CRY2: variants seen among roughly 807,000 people sequenced by gnomAD.
The protein encoded by CRY2 is cryptochrome circadian regulator 2, also known as cryptochrome-2.
CRY2 carries 31 observed loss-of-function variants against 69.5 expected under a neutral mutation model. That is an observed-to-expected ratio of 0.45 (90% CI 0.34 to 0.60). The LOEUF is 0.60. Ranked by LOEUF, CRY2 falls within the 20% of genes least tolerant of loss-of-function variation. The pLI is 0.02. For synonymous variants in CRY2, 303 were observed against 312.2 expected (o/e 0.97, Z 0.31); for missense variants, 606 against 797.8 (o/e 0.76, Z 2.90).
chr11:45,879,448 A>C (rs537559762), intron 11 of CRY2, among the ~76,000 whole-genome samples: 20 of 152,312 alleles, frequency 1.3e-4, no homozygotes, highest in African/African-American at 3.6e-4. Context: ...AGCTTAATTC[A>C]CATGTATGTC....
Position 45,867,647 on chromosome 11 carries a change from C to T in CRY2, c.777C>T (p.Asn259=), listed in dbSNP as rs910069702. The T allele has an allele frequency of 2.2e-5, 35 of 1,614,106 alleles. No individual in the cohort carries two copies. The Middle Eastern group carries it at 6.6e-4, about 30-fold the overall frequency. ...WVANYERPRM[N]ANSLLASPTG... ...CCAACTATGAGAGACCCCGAATGAA[C>T]GCCAACTCCCTCCTGGCCAGCCCCA... is the stretch of plus-strand genomic sequence containing the variant. The change falls in exon 6 of 12, where the codon AAC becomes AAT. Residue 259 remains asparagine (N), a synonymous_variant. Transcript: ENST00000616080.
intron 1 of CRY2, among the ~76,000 whole-genome samples, chr11:45,849,162 G>C (rs1433282938): frequency 6.6e-6 from 1 of 152,122 alleles, no homozygotes; most frequent in Admixed American, 6.6e-5. Context: ...TTTTTTGATA[G>C]GGAAGATTAA....
chr11:45,862,300 A>G, intron 5 of CRY2, 152 bp downstream of exon 5: 2 of 649,394 alleles, frequency 3.1e-6, no homozygotes, highest in Middle Eastern at 2.5e-4. Flanking sequence ...AACAACAGCA[A>G]CACTAACAGC....
chr11:45,869,250 C>T (rs941244751), intron 6 of CRY2, among the ~76,000 whole-genome samples: 2 of 152,224 alleles, frequency 1.3e-5, no homozygotes. Context: ...GTGCAGAGTC[C>T]TGTGGTGAGG....
At position 45,872,194 on chromosome 11, in the gene CRY2, A is replaced by G. The variant is rs1255037742; in HGVS notation, c.1745A>G (p.Glu582Gly). ...EELSKRARVA[E>G]LPTPELPSKD... The stretch of plus-strand genomic sequence containing the variant: ...CTCAGCAAACGGGCCCGGGTGGCAG[A>G]GTTGCCAACCCCAGAGCTGCCGAGC... The change falls in exon 11 of 12, where the codon GAG becomes GGG. Residue 582 changes from glutamate to glycine, a missense_variant. Glu to Gly is a moderately conservative substitution (Grantham distance 98). Around this residue, in one of 5 missense-constraint regions of CRY2, gnomAD observed 173 missense variants for 213.7 expected, o/e 0.81. Transcript: ENST00000616080. 1.9e-6 allele frequency: 3 copies of G among 1,614,020 alleles called. No homozygotes were observed. The highest frequency in any genetic ancestry group is 2.5e-6 in the Non-Finnish European group (3 of 1,180,026).
intron 2 of CRY2, among the ~76,000 whole-genome samples, chr11:45,857,770 G>A (rs765857154): frequency 9.2e-5 from 14 of 152,228 alleles, no homozygotes; most frequent in African/African-American, 1.7e-4. Context: ...TGAGTATTCA[G>A]TGATGTAACC....
chr11:45,851,029 CTTTTT>C (rs67641151), intron 1 of CRY2, among the ~76,000 whole-genome samples: 1 of 145,098 alleles, frequency 6.9e-6, no homozygotes, highest in African/African-American at 2.5e-5. Flanking sequence ...AGCCTCAGGA[CTTTTT>C]TTTTTTTTTT....
intron 6 of CRY2, 141 bp from the exon 7 acceptor site, chr11:45,869,365 C>A: frequency 2.3e-6 from 2 of 851,122 alleles, no homozygotes; most frequent in East Asian, 2.6e-5. Flanking sequence ...TGTGCCACTT[C>A]TAGGGGATAG....
Position 45,867,703 on chromosome 11 carries a change from G to C in CRY2, c.833G>C (p.Cys278Ser). ...CTCAGCCCCTACCTGCGCTTTGGTTGTCTCTCCTGCCGCCTCTTCTACTAC... is the reference window on the plus strand; with the variant it reads ...CTCAGCCCCTACCTGCGCTTTGGTTCTCTCTCCTGCCGCCTCTTCTACTAC... Reference protein sequence around the residue: ...TGLSPYLRFGCLSCRLFYYRL... With the variant: ...TGLSPYLRFGSLSCRLFYYRL... The change falls in exon 6 of 12, where the codon TGT becomes TCT. Residue 278 changes from cysteine to serine, a missense_variant. By Grantham distance (112) the Cys-to-Ser change is moderately radical (BLOSUM62 -1). This residue lies in a region of CRY2 where 382 missense variants were observed against 508.9 expected (regional missense o/e 0.75). Coordinates refer to ENST00000616080, the MANE Select transcript of CRY2 (RefSeq NM_021117.5). 1 of 1,614,206 alleles carries C rather than the reference G, an allele frequency of 6.2e-7. No homozygotes were observed. Among genetic ancestry groups the C allele is most frequent in the Non-Finnish European group, 8.5e-7 (1 of 1,180,044 alleles).
intron 11 of CRY2, among the ~76,000 whole-genome samples, 184 bp downstream of exon 11, chr11:45,872,417 A>G (rs1043015795): frequency 3.3e-5 from 5 of 151,898 alleles, no homozygotes; most frequent in Non-Finnish European, 7.4e-5. Flanking sequence ...GGCTTAGGGA[A>G]TGAGTACTTT....
intron 6 of CRY2, among the ~76,000 whole-genome samples, chr11:45,868,946 G>A (rs755278862): frequency 6.6e-6 from 1 of 152,170 alleles, no homozygotes; most frequent in Non-Finnish European, 1.5e-5. Flanking sequence ...GTTTTTAAAT[G>A]TTATCTCCTC....
rs937656581 is a variant in CRY2 at position 45,867,869 on chromosome 11, G to A, written c.882+117G>A. ...GGGGGTTGGGCTATGGCCCCTGGAA[G>A]GGCCTAAGTGTGTGCAGATAGTCCG... On this transcript the variant is annotated intron_variant, in intron 6 of 11. Coordinates refer to ENST00000616080, the MANE Select transcript of CRY2 (RefSeq NM_021117.5). 5 of 1,348,048 alleles carry A rather than the reference G, an allele frequency of 3.7e-6. No homozygotes were observed. In the Admixed American group the frequency reaches 8.5e-5, roughly 23 times the overall value. The allele number at this position is 1,348,048 out of a possible 1,614,324, so 83.5% of individuals were successfully genotyped here.
rs985177139 is a variant in CRY2 at position 45,847,542 on chromosome 11, G to A, written c.52G>A (p.Gly18Ser). ...AGCTGTGGCCCCGGCGCCAGCGCCC[G>A]GCACGGACAGCGCCTCTTCGGTGCA... is the stretch of plus-strand genomic sequence containing the variant. ...AAAVAPAPAP[G>S]TDSASSVHWF... Residue 18 changes from glycine to serine, a missense_variant, in exon 1 of 12, where the codon GGC (glycine) becomes AGC (serine). Gly to Ser is a moderately conservative substitution (Grantham distance 56). Around this residue, in one of 5 missense-constraint regions of CRY2, gnomAD observed 45 missense variants for 35.7 expected, o/e 1.26. Transcript: ENST00000616080. 6.3e-7 allele frequency: 1 copy of A among 1,588,136 alleles called. No homozygotes were observed. The highest frequency in any genetic ancestry group is 8.5e-7 in the Non-Finnish European group (1 of 1,171,184).
chr11:45,864,857 G>C (rs2086316907), intron 5 of CRY2, among the ~76,000 whole-genome samples: 1 of 152,054 alleles, frequency 6.6e-6, no homozygotes, highest in Non-Finnish European at 1.5e-5. Context: ...GACAGAATGA[G>C]ACTCTGTCTC....
At chr11:45,860,515 G>T (rs1246847422) in intron 3 of CRY2, among the ~76,000 whole-genome samples, 1 of 152,120 alleles carries the variant, frequency 6.6e-6, no homozygotes, top group Admixed American at 6.6e-5. Context: ...AAGCAGGCTA[G>T]TAGGGATTTT....
intron 11 of CRY2, among the ~76,000 whole-genome samples, chr11:45,873,216 C>T (rs980823575): frequency 6.6e-6 from 1 of 152,182 alleles, no homozygotes. Context: ...ACCATGTCTT[C>T]GTCATTAGAT....
chr11:45,866,928 C>G (rs2086335624), intron 5 of CRY2, among the ~76,000 whole-genome samples: 2 of 151,904 alleles, frequency 1.3e-5, no homozygotes, highest in Non-Finnish European at 2.9e-5. Context: ...GCACTCCAGC[C>G]TGGGTGACAA....
intron 1 of CRY2, among the ~76,000 whole-genome samples, chr11:45,850,473 A>AGTTT (rs1429769281): frequency 6.6e-6 from 1 of 152,182 alleles, no homozygotes; most frequent in Non-Finnish European, 1.5e-5. Flanking sequence ...TAACACAAAC[A>AGTTT]GATTGAATAT....
intron 1 of CRY2, among the ~76,000 whole-genome samples, chr11:45,849,381 T>C (rs2086176627): frequency 6.6e-6 from 1 of 152,210 alleles, no homozygotes; most frequent in South Asian, 2.1e-4. Flanking sequence ...GCCTAATATC[T>C]GCCAGGTACT....
Sources: gnomAD v4.1 joint callset for allele counts (sites outside exome capture counted in the v4.1 genomes callset) on GRCh38, gnomAD v4.1.1 for gene constraint, gnomAD v4.1.1 regional missense constraint, MANE v1.5 for transcripts, NCBI Gene and HGNC (gene_info 2026-07-23, HGNC 2026-07-21) for gene names.